Variants in PPFIA1 observed in about 807,000 individuals in gnomAD.
PPFIA1 encodes PPFI scaffold protein A1.
Under a neutral mutation model 149.9 loss-of-function variants are expected in PPFIA1, and 25 were observed. The observed-to-expected ratio is 0.17, with a 90% CI of 0.12 to 0.23. The LOEUF (loss-of-function observed/expected upper bound fraction) is 0.23, where lower values mean the gene tolerates loss of function less well. Ranked by LOEUF, PPFIA1 falls within the 10% of genes least tolerant of loss-of-function variation. The pLI, the probability that PPFIA1 is intolerant of heterozygous loss-of-function variation, is 1.00. For missense variants in PPFIA1, 1,362 were observed against 1,506.5 expected (o/e 0.90, Z 1.59); for synonymous variants, 549 against 552.8 (o/e 0.99, Z 0.10).
chr11:70,330,447 G>A, intron 8 of PPFIA1, 128 bp downstream of exon 8: 3 of 764,040 alleles, frequency 3.9e-6, no homozygotes, highest in African/African-American at 1.8e-5. Context: ...AGAATATTAT[G>A]TTCAAGACAT....
At chr11:70,314,473 T>G (rs959920509) in intron 2 of PPFIA1, among the ~76,000 whole-genome samples, 4 of 152,226 alleles carry the variant, frequency 2.6e-5, no homozygotes, top group Non-Finnish European at 5.9e-5. Flanking sequence ...TGATCTTTTT[T>G]GTTTTTAATA....
intron 2 of PPFIA1, among the ~76,000 whole-genome samples, chr11:70,300,587 T>C (rs1439044378): frequency 1.3e-5 from 2 of 149,982 alleles, no homozygotes; most frequent in Non-Finnish European, 3.0e-5. Context: ...CAGGCTGGAG[T>C]GCAGTGGCGT....
At chr11:70,361,539 A>G (rs753306337) in intron 19 of PPFIA1, among the ~76,000 whole-genome samples, 18 of 152,192 alleles carry the variant, frequency 1.2e-4, no homozygotes, top group Non-Finnish European at 2.4e-4. Flanking sequence ...GACTTTTGCA[A>G]ATGCTCAGAA....
intron 10 of PPFIA1, among the ~76,000 whole-genome samples, chr11:70,334,075 G>A (rs957758245): frequency 6.6e-6 from 1 of 152,182 alleles, no homozygotes; most frequent in Non-Finnish European, 1.5e-5. Flanking sequence ...ACAATAAAAA[G>A]CACTAGGAAG....
At chr11:70,272,019 G>T (rs966080933) in intron 1 of PPFIA1, 154 bp from the exon 2 acceptor site, 32 of 850,288 alleles carry the variant, frequency 3.8e-5, no homozygotes, top group Admixed American at 2.3e-4. Flanking sequence ...TTTGCCCTGT[G>T]TATGTTTTCC....
rs750326964 is a variant in PPFIA1 at position 70,335,666 on chromosome 11, A to T, written c.1400A>T (p.Lys467Ile). 6.2e-7 allele frequency: 1 copy of T among 1,613,904 alleles called. No homozygotes were observed. Among genetic ancestry groups the T allele is most frequent in the African/African-American group, 1.3e-5 (1 of 74,912 alleles). ...ESNERLQLHLKERMAALEDKN... is the reference protein window; with the variant it reads ...ESNERLQLHLIERMAALEDKN... ...AATGAGAGGCTTCAACTTCATCTTA[A>T]AGAGAGAATGGCTGCTTTGGAAGAT... The change falls in exon 11 of 28, where the codon AAA becomes ATA. Residue 467 changes from lysine (K) to isoleucine (I), a missense_variant. Transcript: ENST00000253925.
intron 2 of PPFIA1, among the ~76,000 whole-genome samples, chr11:70,274,734 T>C (rs925397177): frequency 6.6e-6 from 1 of 152,148 alleles, no homozygotes; most frequent in Non-Finnish European, 1.5e-5. Flanking sequence ...CTTTTTTTTT[T>C]TTGAGATAGG....
intron 19 of PPFIA1, among the ~76,000 whole-genome samples, chr11:70,360,499 G>A (rs775619155): frequency 6.6e-6 from 1 of 152,242 alleles, no homozygotes; most frequent in Non-Finnish European, 1.5e-5. Flanking sequence ...TAACCAGATT[G>A]TTAGCGTTCA....
At position 70,368,917 on chromosome 11, in the gene PPFIA1, C is replaced by T. The variant is rs200862772; in HGVS notation, c.2866-3298C>T. 4.4e-4 allele frequency among the ~76,000 whole-genome samples: 65 copies of T among 149,336 alleles called. No homozygotes were observed. In the East Asian group the frequency reaches 0.011, roughly 25 times the overall value. On this transcript the variant is annotated intron_variant, in intron 21 of 27. Transcript: ENST00000253925. ...TAAAGTGGTGAGAGTGGACATCCTT[C>T]GTTTGTTCCTTATCTTAGGAGAAAC...
Position 70,288,603 on chromosome 11 carries a change from G to A in PPFIA1, c.264+16167G>A, listed in dbSNP as rs184073928. Among the ~76,000 whole-genome samples the A allele has an allele frequency of 2.4e-4, 37 of 152,280 alleles. No individual in the cohort carries two copies. The East Asian group carries it at 6.2e-3, about 25-fold the overall frequency. On this transcript the variant is annotated intron_variant, in intron 2 of 27. Coordinates refer to ENST00000253925, the MANE Select transcript of PPFIA1 (RefSeq NM_003626.5). Reference sequence around the variant, plus strand: ...AAAGAGGTGATTTTTCCAGCTGTCCGTCCGTGTACAGTGATGAACAGATAT... The same window carrying A: ...AAAGAGGTGATTTTTCCAGCTGTCCATCCGTGTACAGTGATGAACAGATAT...
chr11:70,367,558 G>C, intron 21 of PPFIA1: 1 of 456,030 alleles, frequency 2.2e-6, no homozygotes, highest in Non-Finnish European at 4.4e-6. Flanking sequence ...TTCTAGTTCA[G>C]ATGTTCTCTG....
At chr11:70,288,461 TTG>T (rs2051304266) in intron 2 of PPFIA1, among the ~76,000 whole-genome samples, 1 of 152,160 alleles carries the variant, frequency 6.6e-6, no homozygotes, top group East Asian at 1.9e-4. Flanking sequence ...TGAGGTGTGA[TTG>T]CAGACCTCTC....
At chr11:70,283,787 G>A (rs2050922443) in intron 2 of PPFIA1, among the ~76,000 whole-genome samples, 2 of 148,110 alleles carry the variant, frequency 1.4e-5, no homozygotes, top group South Asian at 4.4e-4. Context: ...CGGGGGTGGG[G>A]GAGAGTAAAG....
chr11:70,357,389 T>C (rs1392474516), intron 19 of PPFIA1, among the ~76,000 whole-genome samples: 2 of 152,182 alleles, frequency 1.3e-5, no homozygotes, highest in Non-Finnish European at 2.9e-5. Flanking sequence ...TTTTTTTCTG[T>C]TGTGAAATCT....
At chr11:70,295,384 AC>A (rs1246928808) in intron 2 of PPFIA1, among the ~76,000 whole-genome samples, 5 of 117,072 alleles carry the variant, frequency 4.3e-5, no homozygotes, top group East Asian at 2.7e-4. Context: ...CGGGGGGCTG[AC>A]CCCCCCATCT....
At chr11:70,347,054 T>C (rs571204782) in intron 15 of PPFIA1, among the ~76,000 whole-genome samples, 1 of 152,240 alleles carries the variant, frequency 6.6e-6, no homozygotes, top group Non-Finnish European at 1.5e-5. Flanking sequence ...CTGGTTCAAA[T>C]TTAAACTAAA....
In PPFIA1 at chr11:70,362,299, G is replaced by A; in HGVS notation, c.2676G>A (p.Gly892=). ...CTTTCCGCCTCCAGCTCTGGGTTGGGATGCCAGCCTGGTATGTGGCTGCCT... is the reference window on the plus strand; with the variant it reads ...CTTTCCGCCTCCAGCTCTGGGTTGGAATGCCAGCCTGGTATGTGGCTGCCT... The part of the protein sequence containing the change: ...TVVVWLELWV[G]MPAWYVAACR... The change falls in exon 21 of 28, where the codon GGG becomes GGA. Residue 892 remains glycine (G), a synonymous_variant. Transcript: ENST00000253925. 1 of 1,614,136 alleles carries A rather than the reference G, an allele frequency of 6.2e-7. No homozygotes were observed. The highest frequency in any genetic ancestry group is 1.3e-5 in the African/African-American group (1 of 75,048).
intron 2 of PPFIA1, among the ~76,000 whole-genome samples, chr11:70,275,981 TCTC>T (rs2050359285): frequency 6.6e-6 from 1 of 152,198 alleles, no homozygotes. Context: ...ATGTAAAAAT[TCTC>T]CTCTTCTTAG....
chr11:70,295,469 C>T (rs1285031843), intron 2 of PPFIA1, among the ~76,000 whole-genome samples: 3 of 142,486 alleles, frequency 2.1e-5, no homozygotes, highest in Non-Finnish European at 4.7e-5. Context: ...GCAGAGGCGC[C>T]CCTCACCTCC....
Sources: gnomAD v4.1 joint callset for allele counts (sites outside exome capture counted in the v4.1 genomes callset) on GRCh38, gnomAD v4.1.1 for gene constraint, MANE v1.5 for transcripts, NCBI Gene and HGNC (gene_info 2026-07-23, HGNC 2026-07-21) for gene names.